Variants in PCCB observed in about 807,000 individuals in gnomAD.
PCCB encodes the protein propionyl-CoA carboxylase beta chain, mitochondrial.
Under a neutral mutation model 60.7 loss-of-function variants are expected in PCCB, and 43 were observed. The ratio of observed to expected loss-of-function variants is 0.71; its 90% confidence interval spans 0.55 to 0.91. The LOEUF (loss-of-function observed/expected upper bound fraction) is 0.91, where lower values mean the gene tolerates loss of function less well. Among genes scored for constraint, PCCB ranks in the 40% least tolerant of loss-of-function variants. The probability of loss-of-function intolerance (pLI) is 0.00; values close to 1 mark genes in which losing one functional copy is unlikely to be tolerated. For missense variants in PCCB, 766 were observed against 702.8 expected, an observed-to-expected ratio of 1.09 and a Z score of -1.02; for synonymous variants, 276 against 255.9, an observed-to-expected ratio of 1.08 and a Z score of -0.75.
At chr3:136,326,360 G>A (rs1263121758) in intron 10 of PCCB, 3 of 702,778 alleles carry the variant, frequency 4.3e-6, no homozygotes, top group Non-Finnish European at 2.6e-6. Context: ...ACTATGCTAG[G>A]AGGCAGTATC....
At chr3:136,299,510 G>A (rs527459645) in intron 8 of PCCB, among the ~76,000 whole-genome samples, 12 of 145,578 alleles carry the variant, frequency 8.2e-5, no homozygotes, top group Middle Eastern at 3.5e-3. Flanking sequence ...GTATGTATAG[G>A]TATGCATGTG....
intron 9 of PCCB, among the ~76,000 whole-genome samples, chr3:136,316,408 C>T (rs1228374560): frequency 6.6e-6 from 1 of 151,936 alleles, no homozygotes; most frequent in African/African-American, 2.4e-5. Flanking sequence ...CTCTGCCTTC[C>T]AGTTTAAGCG....
intron 10 of PCCB, among the ~76,000 whole-genome samples, chr3:136,317,955 T>TTATC (rs751567881): frequency 6.6e-6 from 1 of 152,208 alleles, no homozygotes; most frequent in Non-Finnish European, 1.5e-5. Context: ...CCTCTTAGAT[T>TTATC]TGTTTTGTAT....
At chr3:136,323,992 G>GTT (rs774958157) in intron 10 of PCCB, among the ~76,000 whole-genome samples, 81 of 128,720 alleles carry the variant, frequency 6.3e-4, no homozygotes, top group Middle Eastern at 4.1e-3. Context: ...CCCAAGCTTT[G>GTT]TTTTTTTTTT....
chr3:136,296,922 G>C (rs1933965494), intron 7 of PCCB, among the ~76,000 whole-genome samples: 1 of 152,210 alleles, frequency 6.6e-6, no homozygotes, highest in African/African-American at 2.4e-5. Context: ...CAGAACAAAA[G>C]AAAGACACCT....
intron 5 of PCCB, among the ~76,000 whole-genome samples, chr3:136,264,345 T>G (rs1488756997): frequency 6.6e-6 from 1 of 151,454 alleles, no homozygotes; most frequent in Non-Finnish European, 1.5e-5. Context: ...ATTCAGGACT[T>G]AAGTCCTTTA....
At chr3:136,312,898 G>T (rs533615953) in intron 9 of PCCB, among the ~76,000 whole-genome samples, 1 of 152,254 alleles carries the variant, frequency 6.6e-6, no homozygotes, top group South Asian at 2.1e-4. Flanking sequence ...TATGCTGAGG[G>T]ATTAACAACC....
intron 1 of PCCB, among the ~76,000 whole-genome samples, chr3:136,252,689 A>C (rs920905658): frequency 2.1e-4 from 28 of 135,598 alleles, no homozygotes; most frequent in African/African-American, 8.1e-4. Context: ...TTTTTGGTAG[A>C]GACAGGGTCT....
At chr3:136,320,629 C>A (rs1175967431) in intron 10 of PCCB, among the ~76,000 whole-genome samples, 1 of 152,094 alleles carries the variant, frequency 6.6e-6, no homozygotes, top group African/African-American at 2.4e-5. Context: ...GATTGTTGAT[C>A]TGTGGACATG....
In PCCB at chr3:136,316,998, G is replaced by A; in HGVS notation, c.1024G>A (p.Val342Ile). ...GCCCAATTATGCCAAGAACATCATT[G>A]TTGGTTTTGCAAGAATGAATGGGAG... ...IMPNYAKNII[V>I]GFARMNGRTV... Residue 342 changes from valine to isoleucine, a missense_variant, in exon 10 of 15, where the codon GTT becomes ATT. By Grantham distance (29) the Val-to-Ile change is conservative. Transcript: ENST00000251654. The A allele has an allele frequency of 1.2e-6, 2 of 1,613,946 alleles. No individual in the cohort carries two copies. The highest frequency in any genetic ancestry group is 8.5e-7 in the Non-Finnish European group (1 of 1,179,898).
intron 6 of PCCB, among the ~76,000 whole-genome samples, chr3:136,290,924 A>G (rs1258092532): frequency 2.0e-5 from 3 of 150,852 alleles, no homozygotes; most frequent in East Asian, 1.9e-4. Flanking sequence ...TCGCTTTTCA[A>G]TTTGAGTGGT....
At chr3:136,327,899 GA>G (rs1308682106) in intron 13 of PCCB, among the ~76,000 whole-genome samples, 167 bp downstream of exon 13, 6 of 152,322 alleles carry the variant, frequency 3.9e-5, no homozygotes, top group African/African-American at 1.4e-4. Flanking sequence ...TGGGGCTCCA[GA>G]GATAGCTCTG....
At chr3:136,327,320 G>T (rs1465448243) in intron 12 of PCCB, 65 bp downstream of exon 12, 2 of 1,242,184 alleles carry the variant, frequency 1.6e-6, no homozygotes, top group Non-Finnish European at 2.4e-6. Context: ...GTGGTGGGAG[G>T]TCTGGCAGAG....
chr3:136,259,878 G>A (rs1027550802), intron 3 of PCCB, among the ~76,000 whole-genome samples: 1 of 151,892 alleles, frequency 6.6e-6, no homozygotes, highest in African/African-American at 2.4e-5. Flanking sequence ...TCAGCCTCCC[G>A]AGTAGCTGGG....
intron 5 of PCCB, among the ~76,000 whole-genome samples, chr3:136,280,873 C>CA (rs1367646472): frequency 1.3e-5 from 2 of 152,302 alleles, no homozygotes; most frequent in East Asian, 3.9e-4. Flanking sequence ...AGGCTGGTCT[C>CA]AAACTCTTGG....
intron 3 of PCCB, among the ~76,000 whole-genome samples, chr3:136,258,291 C>T (rs1941729958): frequency 6.6e-6 from 1 of 152,242 alleles, no homozygotes; most frequent in South Asian, 2.1e-4. Flanking sequence ...CAAGAGTTCC[C>T]ACCCTGAAGA....
intron 7 of PCCB, among the ~76,000 whole-genome samples, chr3:136,296,855 T>C (rs1378489162): frequency 6.6e-6 from 1 of 152,224 alleles, no homozygotes; most frequent in African/African-American, 2.4e-5. Context: ...AAAACAAATA[T>C]TCATCGAGTA....
At chr3:136,271,304 T>C (rs1266551452) in intron 5 of PCCB, among the ~76,000 whole-genome samples, 3 of 152,206 alleles carry the variant, frequency 2.0e-5, no homozygotes, top group African/African-American at 7.2e-5. Context: ...TTTGTTCTTT[T>C]TGCTTAGTAT....
At chr3:136,323,703 T>C (rs1404051373) in intron 10 of PCCB, among the ~76,000 whole-genome samples, 2 of 151,178 alleles carry the variant, frequency 1.3e-5, no homozygotes, top group Non-Finnish European at 2.9e-5. Flanking sequence ...GAGAATCACA[T>C]GAACCTGGGA....
Sources: allele counts gnomAD v4.1 joint callset (sites outside exome capture counted in the v4.1 genomes callset), GRCh38; gene constraint gnomAD v4.1.1; transcripts MANE v1.5; gene names NCBI Gene and HGNC (gene_info 2026-07-23, HGNC 2026-07-21).